Variants in TENM3 observed in about 807,000 individuals in gnomAD.
The protein encoded by TENM3 is teneurin-3.
Under a neutral mutation model 255.1 loss-of-function variants are expected in TENM3, and 63 were observed. The ratio of observed to expected loss-of-function variants is 0.25; its 90% confidence interval spans 0.20 to 0.30. TENM3 has a LOEUF of 0.30. Ranked by LOEUF, TENM3 falls within the 10% of genes least tolerant of loss-of-function variation. The pLI, the probability that TENM3 is intolerant of heterozygous loss-of-function variation, is 1.00. For missense variants in TENM3, 2,929 were observed against 3,461.1 expected, an observed-to-expected ratio of 0.85 and a Z score of 3.86; for synonymous variants, 1,306 against 1,322.3, an observed-to-expected ratio of 0.99 and a Z score of 0.27.
chr4:181,639,493 A>G, the TENM3 span, among the ~76,000 whole-genome samples: 1 of 152,050 alleles, frequency 6.6e-6, no homozygotes, highest in Non-Finnish European at 1.5e-5. Flanking sequence ...TAATCCCAGC[A>G]CTTTGGGAGG....
intron 17 of TENM3, among the ~76,000 whole-genome samples, chr4:182,737,871 T>C (rs1336951284): frequency 2.6e-5 from 4 of 152,194 alleles, no homozygotes; most frequent in Non-Finnish European, 5.9e-5. Flanking sequence ...CTGGAAAGCT[T>C]TTCATCTGTG....
the TENM3 span, among the ~76,000 whole-genome samples, chr4:182,007,672 T>A: frequency 6.6e-6 from 1 of 152,246 alleles, no homozygotes; most frequent in South Asian, 2.1e-4. Flanking sequence ...CTTGACATCT[T>A]ATCCAATTTG....
the TENM3 span, among the ~76,000 whole-genome samples, chr4:181,634,397 T>A: frequency 6.6e-6 from 1 of 151,550 alleles, no homozygotes; most frequent in Admixed American, 6.6e-5. Flanking sequence ...TTTTTTTTTT[T>A]TTTTTTGCAA....
chr4:181,782,871 T>G, the TENM3 span, among the ~76,000 whole-genome samples: 24 of 152,132 alleles, frequency 1.6e-4, no homozygotes, highest in Admixed American at 1.3e-3. Flanking sequence ...CCTTCATTTC[T>G]TTATGTACCC....
At chr4:182,114,806 T>C in the TENM3 span, among the ~76,000 whole-genome samples, 3 of 152,206 alleles carry the variant, frequency 2.0e-5, no homozygotes, top group African/African-American at 7.2e-5. Context: ...TGTGTATACA[T>C]ATACTATTTT....
intron 3 of TENM3, among the ~76,000 whole-genome samples, chr4:182,541,725 C>A (rs1402279928): frequency 6.6e-6 from 1 of 152,084 alleles, no homozygotes; most frequent in Non-Finnish European, 1.5e-5. Context: ...ATAGCAAAAT[C>A]TGGTTTTAAG....
At chr4:182,714,315 CAAAAA>C (rs374337174) in intron 13 of TENM3, 82 bp downstream of exon 13, 1,952 of 140,156 alleles carry the variant, frequency 0.014, no homozygotes, top group East Asian at 0.044. Flanking sequence ...TATCTGTTGC[CAAAAA>C]AAAAAAAAAA....
At chr4:182,705,198 C>T (rs901455686) in intron 12 of TENM3, among the ~76,000 whole-genome samples, 2 of 152,152 alleles carry the variant, frequency 1.3e-5, no homozygotes, top group African/African-American at 2.4e-5. Context: ...TTCTGTCATC[C>T]TGCAGGAATT....
intron 5 of TENM3, among the ~76,000 whole-genome samples, chr4:182,651,627 A>G (rs35957701): frequency 0.3 from 46,174 of 151,770 alleles, 7,894 homozygotes; most frequent in Non-Finnish European, 0.4. Context: ...AACCCGGGAG[A>G]CAGAGGTTGC....
At chr4:182,596,692 G>T (rs1747266404) in intron 3 of TENM3, among the ~76,000 whole-genome samples, 3 of 152,100 alleles carry the variant, frequency 2.0e-5, no homozygotes, top group African/African-American at 7.2e-5. Flanking sequence ...GGGAGAGCTT[G>T]CAAAAATATA....
At position 182,468,866 on chromosome 4, in the gene TENM3, GTGTGTA is replaced by G. The variant is rs1306406626; in HGVS notation, c.511+121942_511+121947del. Among the ~76,000 whole-genome samples the G allele has an allele frequency of 1.5e-4, 19 of 127,730 alleles. 1 individual carries two copies. Among genetic ancestry groups the G allele is most frequent in the East Asian group, 4.5e-4 (2 of 4,468 alleles). The allele number at this position is 127,730 out of a possible 152,430, so 83.8% of individuals were successfully genotyped here. On this transcript the variant is annotated intron_variant, in intron 3 of 27. Coordinates refer to ENST00000511685, the MANE Select transcript of TENM3 (RefSeq NM_001080477.4). ...TGTGTGTGTGTGTGTGTGTGTGTGT[GTGTGTA>G]TGTGCATGTTGATTAGGCTATTAAC... is the stretch of plus-strand genomic sequence containing the variant.
the TENM3 span, chr4:182,084,706 CT>C: frequency 6.6e-6 from 1 of 152,034 alleles, no homozygotes; most frequent in African/African-American, 2.4e-5. Context: ...GAAGAATGTA[CT>C]TAATTTTTAT....
chr4:181,923,309 C>T, the TENM3 span, among the ~76,000 whole-genome samples: 2 of 151,786 alleles, frequency 1.3e-5, no homozygotes, highest in African/African-American at 4.8e-5. Flanking sequence ...CAGAGAACAA[C>T]ACAATTTTCA....
At chr4:181,840,539 A>G in the TENM3 span, among the ~76,000 whole-genome samples, 1 of 152,148 alleles carries the variant, frequency 6.6e-6, no homozygotes, top group Non-Finnish European at 1.5e-5. Flanking sequence ...TACGGACAGT[A>G]GGCTGCAACT....
the TENM3 span, among the ~76,000 whole-genome samples, chr4:182,014,025 CGT>C: frequency 0.25 from 15,377 of 62,732 alleles, 2,598 homozygotes; most frequent in Middle Eastern, 0.35. Flanking sequence ...CGTGTATATA[CGT>C]ATATACACAT....
At chr4:181,566,645 G>T in the TENM3 span, among the ~76,000 whole-genome samples, 1 of 152,138 alleles carries the variant, frequency 6.6e-6, no homozygotes, top group Non-Finnish European at 1.5e-5. Context: ...GCGACCAGCT[G>T]TGGTTTACAC....
At chr4:181,702,981 T>G in the TENM3 span, among the ~76,000 whole-genome samples, 1 of 152,182 alleles carries the variant, frequency 6.6e-6, no homozygotes, top group African/African-American at 2.4e-5. Flanking sequence ...CCAATCATAT[T>G]AACTCACTGA....
intron 24 of TENM3, among the ~76,000 whole-genome samples, chr4:182,787,309 GGCT>G (rs1286664421): frequency 1.3e-5 from 2 of 152,196 alleles, no homozygotes; most frequent in Admixed American, 6.5e-5. Flanking sequence ...GCCAAGGTCA[GGCT>G]GCTTCAGGTC....
At chr4:182,325,673 C>A (rs113053807) in intron 2 of TENM3, among the ~76,000 whole-genome samples, 6 of 151,838 alleles carry the variant, frequency 4.0e-5, no homozygotes, top group African/African-American at 1.5e-4. Context: ...GAAATGCATG[C>A]AATCTGCACC....
Sources: allele counts gnomAD v4.1 joint callset (sites outside exome capture counted in the v4.1 genomes callset), GRCh38; gene constraint gnomAD v4.1.1; transcripts MANE v1.5; gene names NCBI Gene and HGNC (gene_info 2026-07-23, HGNC 2026-07-21).